Variants in RAD51B observed in about 807,000 individuals in gnomAD.
The protein encoded by RAD51B is RAD51 paralog B.
In RAD51B, 38 loss-of-function variants were observed where a neutral mutation model predicts 42.2. That is an observed-to-expected ratio of 0.90 (90% confidence interval 0.70 to 1.18). RAD51B has a LOEUF of 1.18. RAD51B is among the 50% of genes most tolerant of loss of function. The pLI is 0.00. For missense variants in RAD51B, 373 were observed against 400.7 expected (o/e 0.93, Z 0.59); for synonymous variants, 154 against 145.2 (o/e 1.06, Z -0.43).
Position 68,023,840 on chromosome 14 carries a change from T to C in RAD51B, c.756+136636T>C, listed in dbSNP as rs186023417. On this transcript the variant is annotated intron_variant, in intron 7 of 10. Coordinates refer to ENST00000471583, the MANE Select transcript of RAD51B (RefSeq NM_133510.4). ...TTTCTTTTGCTGTGTGGAAGTTCTTTACTTTAATTAGGTCCCACTTGTCAA... is the reference window on the plus strand; with the variant it reads ...TTTCTTTTGCTGTGTGGAAGTTCTTCACTTTAATTAGGTCCCACTTGTCAA... 2.3e-3 allele frequency among the ~76,000 whole-genome samples: 351 copies of C among 152,348 alleles called. 1 individual carries two copies. The highest frequency in any genetic ancestry group is 8.2e-3 in the African/African-American group (340 of 41,578).
At chr14:68,597,852 C>G (rs1435977346), downstream of RAD51B, among the ~76,000 whole-genome samples, 1 of 148,866 alleles carries the variant, frequency 6.7e-6, no homozygotes, top group African/African-American at 2.5e-5. Flanking sequence ...ATGGAGAGAA[C>G]TCTACTCTAT....
At chr14:68,120,080 C>T (rs899780633) in intron 7 of RAD51B, among the ~76,000 whole-genome samples, 2 of 152,146 alleles carry the variant, frequency 1.3e-5, no homozygotes, top group African/African-American at 2.4e-5. Context: ...TGATGGTGAG[C>T]GTTTTTTCAT....
At chr14:67,971,973 A>G (rs1047575046) in intron 7 of RAD51B, among the ~76,000 whole-genome samples, 6 of 151,366 alleles carry the variant, frequency 4.0e-5, no homozygotes, top group Admixed American at 1.3e-4. Context: ...GCATTTTTCT[A>G]CCTTTAACAC....
intron 10 of RAD51B, among the ~76,000 whole-genome samples, chr14:68,499,621 T>C (rs566416487): frequency 2.0e-4 from 30 of 152,226 alleles, no homozygotes; most frequent in Middle Eastern, 3.4e-3. Context: ...TGAGATGAGA[T>C]CATCCTGAAC....
At chr14:68,346,598 C>T (rs142270334) in intron 8 of RAD51B, among the ~76,000 whole-genome samples, 266 of 152,354 alleles carry the variant, frequency 1.7e-3, no homozygotes, top group Non-Finnish European at 2.9e-3. Context: ...GCCCTTCAGT[C>T]CCTCTTCTGT....
chr14:68,148,441 A>T (rs2078302540), intron 7 of RAD51B, among the ~76,000 whole-genome samples: 1 of 152,234 alleles, frequency 6.6e-6, no homozygotes, highest in Non-Finnish European at 1.5e-5. Context: ...ACCAGCAATG[A>T]ATGAGAGTTC....
At chr14:68,330,889 A>G (rs1469327488) in intron 8 of RAD51B, among the ~76,000 whole-genome samples, 1 of 152,182 alleles carries the variant, frequency 6.6e-6, no homozygotes, top group African/African-American at 2.4e-5. Context: ...TAAGTGTTCC[A>G]TATGGAATCA....
At chr14:68,561,129 C>T (rs1469273424) in intron 10 of RAD51B, among the ~76,000 whole-genome samples, 2 of 152,198 alleles carry the variant, frequency 1.3e-5, no homozygotes, top group African/African-American at 2.4e-5. Flanking sequence ...CTTCCTTTCA[C>T]CCCAGCCTCC....
intron 7 of RAD51B, among the ~76,000 whole-genome samples, chr14:68,137,146 C>T (rs10141018): frequency 0.099 from 15,093 of 152,086 alleles, 2,236 homozygotes; most frequent in African/African-American, 0.32. Flanking sequence ...CGTGATGGCA[C>T]ACGCTTATAA....
At chr14:68,010,480 T>C (rs1317005090) in intron 7 of RAD51B, among the ~76,000 whole-genome samples, 10 of 151,846 alleles carry the variant, frequency 6.6e-5, no homozygotes, top group Admixed American at 5.3e-4. Flanking sequence ...CATTTATTCA[T>C]TTTATTTATT....
intron 10 of RAD51B, among the ~76,000 whole-genome samples, chr14:68,579,939 A>G (rs966891809): frequency 6.6e-6 from 1 of 152,212 alleles, no homozygotes; most frequent in African/African-American, 2.4e-5. Context: ...CAAGGGCCCT[A>G]AGATCTGCCC....
intron 8 of RAD51B, among the ~76,000 whole-genome samples, chr14:68,348,920 C>A (rs1460837166): frequency 6.6e-6 from 1 of 152,110 alleles, no homozygotes; most frequent in African/African-American, 2.4e-5. Context: ...GATAAACAAA[C>A]CTTTTCTGTA....
chr14:68,531,124 G>A (rs1887277202), intron 10 of RAD51B, among the ~76,000 whole-genome samples: 1 of 140,704 alleles, frequency 7.1e-6, no homozygotes. Context: ...GCAGAATATA[G>A]AAAATCTCAC....
At chr14:68,171,310 TG>T (rs774339730) in intron 7 of RAD51B, among the ~76,000 whole-genome samples, 1 of 152,208 alleles carries the variant, frequency 6.6e-6, no homozygotes, top group Non-Finnish European at 1.5e-5. Context: ...TGTTTGTTTT[TG>T]TTTTGAGATG....
intron 7 of RAD51B, among the ~76,000 whole-genome samples, chr14:67,890,165 G>C (rs1039538823): frequency 6.6e-6 from 1 of 152,106 alleles, no homozygotes; most frequent in African/African-American, 2.4e-5. Flanking sequence ...TAATTACCAC[G>C]TACAGAATAG....
At chr14:68,193,395 A>G (rs2079305743) in intron 7 of RAD51B, among the ~76,000 whole-genome samples, 1 of 152,124 alleles carries the variant, frequency 6.6e-6, no homozygotes, top group Non-Finnish European at 1.5e-5. Context: ...TTCCCTCAAC[A>G]AGAAGCAAAC....
At chr14:68,566,917 A>T (rs1052248596) in intron 10 of RAD51B, among the ~76,000 whole-genome samples, 1 of 152,050 alleles carries the variant, frequency 6.6e-6, no homozygotes, top group African/African-American at 2.4e-5. Context: ...CCATGGGTTT[A>T]TTGCTTTCCC....
chr14:68,422,188 G>T, intron 9 of RAD51B: 4 of 1,128,664 alleles, frequency 3.5e-6, no homozygotes, highest in South Asian at 1.2e-5. Flanking sequence ...ACATGGTGGG[G>T]TTGACCATGG....
intron 10 of RAD51B, among the ~76,000 whole-genome samples, chr14:68,648,132 CGTATAT>C (rs1892618699): frequency 1.0e-5 from 1 of 96,762 alleles, no homozygotes; most frequent in Non-Finnish European, 2.1e-5. Flanking sequence ...TATACACACA[CGTATAT>C]ATATATATAC....
Sources: allele counts gnomAD v4.1 joint callset (sites outside exome capture counted in the v4.1 genomes callset), GRCh38; gene constraint gnomAD v4.1.1; transcripts MANE v1.5; gene names NCBI Gene and HGNC (gene_info 2026-07-23, HGNC 2026-07-21).